The following MAP7D1 variants were observed in gnomAD, a reference collection of about 807,000 sequenced individuals.
MAP7D1 encodes the protein MAP7 domain-containing protein 1.
Under a neutral mutation model 97.5 loss-of-function variants are expected in MAP7D1, and 30 were observed. That is an observed-to-expected ratio of 0.31 (90% CI 0.23 to 0.42). MAP7D1 has a LOEUF of 0.42. MAP7D1 is among the 10% of genes least tolerant of loss of function. The pLI is 1.00. For missense variants in MAP7D1, 1,184 were observed against 1,179.5 expected (o/e 1.00, Z -0.06); for synonymous variants, 536 against 477.1 (o/e 1.12, Z -1.61).
rs746213421 is a variant in MAP7D1 at position 36,172,439 on chromosome 1, C to T, written c.461-25C>T. On this transcript the variant is annotated intron_variant, in intron 3 of 16. Transcript: ENST00000474796. ...GGCCTTCTGCAGAACCCTTCACACA[C>T]GCCACTGGGCTCCTTTGTCCACAGC... The T allele has an allele frequency of 1.6e-5, 25 of 1,519,386 alleles. No individual in the cohort carries two copies. In the East Asian group the frequency reaches 2.8e-4, roughly 17 times the overall value. The allele number at this position is 1,519,386 out of a possible 1,614,324, so 94.1% of individuals were successfully genotyped here.
chr1:36,164,845 G>A (rs1182081485), intron 1 of MAP7D1, among the ~76,000 whole-genome samples: 1 of 152,234 alleles, frequency 6.6e-6, no homozygotes, highest in Non-Finnish European at 1.5e-5. Flanking sequence ...TAGTCATCCA[G>A]GTGAGAGCGA....
In MAP7D1 at chr1:36,168,222, G is replaced by C. The variant is rs272812; in HGVS notation, c.47-2749G>C. Among the ~76,000 whole-genome samples, 915 of 151,476 alleles carry C rather than the reference G, an allele frequency of 6.0e-3. 14 individuals are homozygous for C. Among genetic ancestry groups the C allele is most frequent in the African/African-American group, 0.021 (875 of 41,180 alleles). ...AGGCAGGAGAATTGCTTGAACCTGG[G>C]AGGCAGAGGTTGCAGTGAGCCGAGA... On this transcript the variant is annotated intron_variant, in intron 1 of 16. Transcript: ENST00000474796.
chr1:36,173,509 T>G (rs1570153254), intron 5 of MAP7D1, 31 bp downstream of exon 5: 78 of 1,366,692 alleles, frequency 5.7e-5, no homozygotes, highest in Middle Eastern at 1.9e-4. Context: ...GGGGAGTGGG[T>G]GGGCAAGGCT....
chr1:36,166,063 G>C (rs970065053), intron 1 of MAP7D1, among the ~76,000 whole-genome samples: 1 of 152,224 alleles, frequency 6.6e-6, no homozygotes, highest in South Asian at 2.1e-4. Context: ...CTAAGGGAAG[G>C]CTCCATTTAA....
chr1:36,171,422 G>A, intron 2 of MAP7D1, 91 bp from the exon 3 acceptor site: 1 of 1,560,674 alleles, frequency 6.4e-7, no homozygotes, highest in Non-Finnish European at 8.8e-7. Context: ...GATAAAGAAA[G>A]GATGGGGTGA....
chr1:36,162,591 T>C (rs1644427795), intron 1 of MAP7D1, among the ~76,000 whole-genome samples: 1 of 152,240 alleles, frequency 6.6e-6, no homozygotes, highest in Admixed American at 6.5e-5. Flanking sequence ...GGGGCCATCA[T>C]AGAACTTTCC....
chr1:36,180,319 G>A lies in MAP7D1; in HGVS notation c.*61G>A, dbSNP rs372794069. ...GCTCCTCTGCATCACCTACCAGGAT[G>A]TCTGGAGGAGAAAAAGACAGAACAA... On this transcript the variant is annotated 3_prime_UTR_variant, in exon 17 of 17. Transcript: ENST00000474796. The A allele has an allele frequency of 5.8e-5, 94 of 1,610,850 alleles. No individual in the cohort carries two copies. In the East Asian group the frequency reaches 1.5e-3, roughly 25 times the overall value.
chr1:36,177,908 C>A lies in MAP7D1; in HGVS notation c.1415C>A (p.Thr472Lys). 1 of 1,549,532 alleles carries A rather than the reference C, an allele frequency of 6.5e-7. No individual in the cohort carries two copies. Among genetic ancestry groups the A allele is most frequent in the Non-Finnish European group, 8.7e-7 (1 of 1,147,770 alleles). Residue 472 changes from threonine to lysine, a missense_variant, in exon 9 of 17, where the codon ACA becomes AAA. By Grantham distance (78) the Thr-to-Lys change is moderately conservative. Coordinates refer to ENST00000474796, the MANE Select transcript of MAP7D1 (RefSeq NM_001388490.1). ...AAGGCCAGGCCATCCTCTCCCTCCA[C>A]ATCCTGGCACAGGCCTGCCTCCCCC... ...KSKARPSSPSTSWHRPASPCP... is the reference protein window; with the variant it reads ...KSKARPSSPSKSWHRPASPCP...
At chr1:36,161,877 ATGTG>A (rs10531948) in intron 1 of MAP7D1, among the ~76,000 whole-genome samples, 2,912 of 138,464 alleles carry the variant, frequency 0.021, 55 homozygotes, top group African/African-American at 0.056. Context: ...GTGTGTGTGT[ATGTG>A]TGTGTGTGTG....
At position 36,180,333 on chromosome 1, in the gene MAP7D1, AAGAC is replaced by A; in HGVS notation, c.*79_*82del. On this transcript the variant is annotated 3_prime_UTR_variant, in exon 17 of 17. Transcript: ENST00000474796. ...CCTACCAGGATGTCTGGAGGAGAAA[AAGAC>A]AGAACAAAGATGGAAGTGGCCTGGG... 1.2e-6 allele frequency: 2 copies of A among 1,605,908 alleles called. No homozygotes were observed. Among genetic ancestry groups the A allele is most frequent in the Non-Finnish European group, 1.7e-6 (2 of 1,172,540 alleles).
In MAP7D1 at chr1:36,179,428, G is replaced by A. The variant is rs549710327; in HGVS notation, c.2185-87G>A. ...CGAGGCTGTCAGGGAGGCCGCTGCG[G>A]CCCGGGCAAGGGGAGGGCCGAACTC... On this transcript the variant is annotated intron_variant, in intron 13 of 16. Coordinates refer to ENST00000474796, the MANE Select transcript of MAP7D1 (RefSeq NM_001388490.1). The A allele has an allele frequency of 3.1e-3, 4,903 of 1,574,034 alleles. 19 individuals are homozygous for A. Among genetic ancestry groups the A allele is most frequent in the Non-Finnish European group, 3.1e-3 (3,525 of 1,155,662 alleles).
intron 1 of MAP7D1, among the ~76,000 whole-genome samples, chr1:36,164,259 A>C (rs1353108760): frequency 6.6e-6 from 1 of 152,206 alleles, no homozygotes; most frequent in Non-Finnish European, 1.5e-5. Context: ...GCACTGTGGT[A>C]GCTGCTGGTG....
rs1000167327 is a variant in MAP7D1, at chr1:36,159,891, T to C, written c.46+3428T>C. Among the ~76,000 whole-genome samples, 1 of 152,154 alleles carries C rather than the reference T, an allele frequency of 6.6e-6. No individual in the cohort carries two copies. The highest frequency in any genetic ancestry group is 2.4e-5 in the African/African-American group (1 of 41,426). On this transcript the variant is annotated intron_variant, in intron 1 of 16. Coordinates refer to ENST00000474796, the MANE Select transcript of MAP7D1 (RefSeq NM_001388490.1). The surrounding 1 kb of genome is among the most constrained non-coding windows in gnomAD (Gnocchi z 5.4). ...GCACCTCCCAATGACAGCTTCCTAG[T>C]CCCTTCCTGGGCTGGTGGGCCCAAT...
At chr1:36,160,893 T>A (rs1162373781) in intron 1 of MAP7D1, among the ~76,000 whole-genome samples, 1 of 152,096 alleles carries the variant, frequency 6.6e-6, no homozygotes, top group Non-Finnish European at 1.5e-5. Context: ...ACCCAGGTGG[T>A]GGTAATAGTC....
chr1:36,180,324 G>A lies in MAP7D1; in HGVS notation c.*66G>A. 1 of 1,610,674 alleles carries A rather than the reference G, an allele frequency of 6.2e-7. No individual in the cohort carries two copies. Among genetic ancestry groups the A allele is most frequent in the Non-Finnish European group, 8.5e-7 (1 of 1,176,850 alleles). Reference sequence around the variant, plus strand: ...TCTGCATCACCTACCAGGATGTCTGGAGGAGAAAAAGACAGAACAAAGATG... The same window carrying A: ...TCTGCATCACCTACCAGGATGTCTGAAGGAGAAAAAGACAGAACAAAGATG... On this transcript the variant is annotated 3_prime_UTR_variant, in exon 17 of 17. Coordinates refer to ENST00000474796, the MANE Select transcript of MAP7D1 (RefSeq NM_001388490.1).
At chr1:36,168,740 C>T (rs1017438824) in intron 1 of MAP7D1, among the ~76,000 whole-genome samples, 5 of 152,052 alleles carry the variant, frequency 3.3e-5, no homozygotes, top group African/African-American at 7.3e-5. Context: ...TAATTTATTG[C>T]GTAACACCTA....
At position 36,171,558 on chromosome 1, in the gene MAP7D1, G is replaced by A. The variant is rs1238045023; in HGVS notation, c.437G>A (p.Arg146Gln). Reference protein sequence around the residue: ...GERHKLAKERREERAKYLAAK... With the variant: ...GERHKLAKERQEERAKYLAAK... ...AGACACAAGCTGGCAAAGGAGCGGC[G>A]AGAAGAGCGGGCCAAGTACCTGGGT... The change falls in exon 3 of 17, where the codon CGA becomes CAA. Residue 146 changes from arginine to glutamine, a missense_variant. By Grantham distance (43) the Arg-to-Gln change is conservative (BLOSUM62 1). Coordinates refer to ENST00000474796, the MANE Select transcript of MAP7D1 (RefSeq NM_001388490.1). 2.9e-5 allele frequency: 47 copies of A among 1,614,198 alleles called. No homozygotes were observed. The highest frequency in any genetic ancestry group is 3.7e-5 in the Non-Finnish European group (44 of 1,180,016).
In MAP7D1 at chr1:36,159,343, A is replaced by C. The variant is rs1644378608; in HGVS notation, c.46+2880A>C. On this transcript the variant is annotated intron_variant, in intron 1 of 16. Coordinates refer to ENST00000474796, the MANE Select transcript of MAP7D1 (RefSeq NM_001388490.1). The surrounding 1 kb of genome is among the most constrained non-coding windows in gnomAD (Gnocchi z 5.4). ...AGCGCTGGGATTACAGGCGTGAGCC[A>C]CCACCCCCAGCCTAGCTATTTGTTT... is the stretch of plus-strand genomic sequence containing the variant. Among the ~76,000 whole-genome samples, 2 of 152,210 alleles carry C rather than the reference A, an allele frequency of 1.3e-5. No homozygotes were observed. The highest frequency in any genetic ancestry group is 1.3e-4 in the Admixed American group (2 of 15,278).
rs140334736 is a variant in MAP7D1 at position 36,179,300 on chromosome 1, A to T, written c.2169A>T (p.Glu723Asp). ...TCATGAAGAGGACTCGGAAGTCAGAAGTTTCTGAAACCAAGGTCAGAATTC... is the reference window on the plus strand; with the variant it reads ...TCATGAAGAGGACTCGGAAGTCAGATGTTTCTGAAACCAAGGTCAGAATTC... Reference protein sequence around the residue: ...EEIMKRTRKSEVSETKKQDSK... With the variant: ...EEIMKRTRKSDVSETKKQDSK... The change falls in exon 13 of 17, where the codon GAA becomes GAT. Residue 723 changes from glutamate to aspartate, a missense_variant. Transcript: ENST00000474796. 2.5e-6 allele frequency: 4 copies of T among 1,613,974 alleles called. No homozygotes were observed. The African/African-American group carries it at 4.0e-5, about 16-fold the overall frequency.
Sources: gnomAD v4.1 joint callset for allele counts (sites outside exome capture counted in the v4.1 genomes callset) on GRCh38, gnomAD v4.1.1 for gene constraint, Gnocchi (gnomAD v3.1) non-coding constraint, MANE v1.5 for transcripts, NCBI Gene and HGNC (gene_info 2026-07-23, HGNC 2026-07-21) for gene names.